The following NIM1K variants were observed in gnomAD, a reference collection of about 807,000 sequenced individuals.
The protein encoded by NIM1K is serine/threonine-protein kinase NIM1.
Under a neutral mutation model 37.1 loss-of-function variants are expected in NIM1K, and 35 were observed. The observed-to-expected ratio is 0.94, with a 90% CI of 0.72 to 1.25. NIM1K has a LOEUF of 1.25. NIM1K is among the 50% of genes most tolerant of loss of function. The pLI, the probability that NIM1K is intolerant of heterozygous loss-of-function variation, is 0.00. For missense variants in NIM1K, 564 were observed against 548.0 expected (o/e 1.03, Z -0.29); for synonymous variants, 234 against 206.6 (o/e 1.13, Z -1.14).
rs1481457015 is a variant in NIM1K at position 43,280,425 on chromosome 5, C to T, written c.1007C>T (p.Pro336Leu). ...QGVPYPTPLE[P>L]FQLDPKHLSE... Reference sequence around the variant, plus strand: ...GTGCCATACCCTACACCTTTGGAACCTTTCCAACTGGATCCCAAACATTTG... The same window carrying T: ...GTGCCATACCCTACACCTTTGGAACTTTTCCAACTGGATCCCAAACATTTG... The change falls in exon 4 of 4, where the codon CCT (proline) becomes CTT (leucine). Residue 336 changes from proline to leucine, a missense_variant. By Grantham distance (98) the Pro-to-Leu change is moderately conservative. Coordinates refer to ENST00000326035, the MANE Select transcript of NIM1K (RefSeq NM_153361.4). 8 of 1,614,082 alleles carry T rather than the reference C, an allele frequency of 5.0e-6. No individual in the cohort carries two copies. Among genetic ancestry groups the T allele is most frequent in the Middle Eastern group, 1.6e-4 (1 of 6,084 alleles).
Position 43,213,221 on chromosome 5 carries a change from CT to C in NIM1K, c.-695+20813del, listed in dbSNP as rs146122355. 3.7e-3 allele frequency among the ~76,000 whole-genome samples: 158 copies of C among 43,260 alleles called. 4 individuals are homozygous for C. Among genetic ancestry groups the C allele is most frequent in the African/African-American group, 0.012 (152 of 13,068 alleles). 28.4% of individuals were successfully genotyped at this position (43,260 alleles called of 152,430 possible). On this transcript the variant is annotated intron_variant, in intron 1 of 3. Coordinates refer to ENST00000326035, the MANE Select transcript of NIM1K (RefSeq NM_153361.4). The stretch of plus-strand genomic sequence containing the variant: ...TCTTTCTTTCTTTCTTTCTTTCTTT[CT>C]TTCCTTCTTTTCTTCCTTTCTTTCT...
chr5:43,278,157 T>C (rs981975768), intron 3 of NIM1K, among the ~76,000 whole-genome samples: 5 of 151,904 alleles, frequency 3.3e-5, no homozygotes, highest in Non-Finnish European at 7.4e-5. Flanking sequence ...GCGATTCTCC[T>C]GCCTCAGCCT....
Position 43,258,919 on chromosome 5 carries a change from C to T in NIM1K, c.292+12852C>T, listed in dbSNP as rs555416433. On this transcript the variant is annotated intron_variant, in intron 2 of 3. Coordinates refer to ENST00000326035, the MANE Select transcript of NIM1K (RefSeq NM_153361.4). ...CAATACGTAGTTTTTAATCCCTCACCCCCTCCCACCCTACCCCTTCTAAGT... is the reference window on the plus strand; with the variant it reads ...CAATACGTAGTTTTTAATCCCTCACTCCCTCCCACCCTACCCCTTCTAAGT... 2.0e-5 allele frequency among the ~76,000 whole-genome samples: 3 copies of T among 151,808 alleles called. No homozygotes were observed. The South Asian group carries it at 6.2e-4, about 32-fold the overall frequency.
chr5:43,245,765 C>T lies in NIM1K; in HGVS notation c.-11C>T, dbSNP rs1008782466. ...TCTTCGCTGAGATGGAGACGTGAGC[C>T]CCCGTGGACGATGACTGCAGTGTAT... On this transcript the variant is annotated 5_prime_UTR_variant, in exon 2 of 4. Transcript: ENST00000326035. 3.8e-6 allele frequency: 6 copies of T among 1,559,106 alleles called. No homozygotes were observed. Among genetic ancestry groups the T allele is most frequent in the Non-Finnish European group, 2.6e-6 (3 of 1,148,378 alleles).
chr5:43,193,603 G>A lies in NIM1K; in HGVS notation c.-695+1192G>A, dbSNP rs1045827342. ...GCGGGAATCCAAAAGGGAAACAAAC[G>A]AAACCAGATGAAAAAAAGTGATTCC... On this transcript the variant is annotated intron_variant, in intron 1 of 3. Coordinates refer to ENST00000326035, the MANE Select transcript of NIM1K (RefSeq NM_153361.4). 3.3e-5 allele frequency: 5 copies of A among 152,080 alleles called. No individual in the cohort carries two copies. In the East Asian group the frequency reaches 9.6e-4, roughly 29 times the overall value. 9.4% of individuals were successfully genotyped at this position (152,080 alleles called of 1,614,324 possible).
At chr5:43,231,278 C>T (rs1752534354) in intron 1 of NIM1K, among the ~76,000 whole-genome samples, 1 of 152,246 alleles carries the variant, frequency 6.6e-6, no homozygotes, top group African/African-American at 2.4e-5. Flanking sequence ...CCTCTCATTA[C>T]TGCAGTCCAG....
chr5:43,271,961 A>G (rs747597140), intron 2 of NIM1K, among the ~76,000 whole-genome samples: 6 of 152,022 alleles, frequency 3.9e-5, no homozygotes, highest in Non-Finnish European at 7.4e-5. Context: ...CACTCACCAT[A>G]CTTCTCGGGC....
chr5:43,238,039 ATTT>A (rs71608701), intron 1 of NIM1K, among the ~76,000 whole-genome samples: 6 of 120,604 alleles, frequency 5.0e-5, no homozygotes, highest in African/African-American at 1.2e-4. Context: ...CTTCAATTTA[ATTT>A]TTTTTTTTTT....
intron 1 of NIM1K, chr5:43,207,354 AAATGGTGATC>A: frequency 1.3e-6 from 1 of 780,022 alleles, no homozygotes; most frequent in South Asian, 1.3e-5. Context: ...GAGCTTGACC[AAATGGTGATC>A]AATAGATGAA....
intron 1 of NIM1K, among the ~76,000 whole-genome samples, chr5:43,238,313 G>C (rs570349431): frequency 6.6e-6 from 1 of 152,012 alleles, no homozygotes; most frequent in Admixed American, 6.5e-5. Context: ...AAAGTGCTGG[G>C]ATTACAGGCG....
chr5:43,232,476 G>A lies in NIM1K; in HGVS notation c.-694-12606G>A. 4.0e-6 allele frequency: 6 copies of A among 1,504,048 alleles called. No homozygotes were observed. In the South Asian group the frequency reaches 6.8e-5, roughly 17 times the overall value. The allele number at this position is 1,504,048 out of a possible 1,614,324, so 93.2% of individuals were successfully genotyped here. A position where few individuals can be genotyped will look rare whatever the true frequency, so the allele number is the denominator to read the frequency against. The stretch of plus-strand genomic sequence containing the variant: ...GAAGCAGTGATGGAGGACACAATTT[G>A]ACCTATCAACCTATTCAGTTTAGTA... On this transcript the variant is annotated intron_variant, in intron 1 of 3. Transcript: ENST00000326035.
chr5:43,253,814 C>A (rs541069843), intron 2 of NIM1K, among the ~76,000 whole-genome samples: 35 of 152,172 alleles, frequency 2.3e-4, no homozygotes, highest in African/African-American at 8.2e-4. Context: ...CACACGCCAC[C>A]ATGCTCGGCA....
chr5:43,208,561 C>A, intron 1 of NIM1K, among the ~76,000 whole-genome samples: 1 of 151,268 alleles, frequency 6.6e-6, no homozygotes, highest in East Asian at 1.9e-4. Context: ...GAGATCACGC[C>A]ACTGCATTCC....
At chr5:43,236,833 G>C (rs1248601492) in intron 1 of NIM1K, among the ~76,000 whole-genome samples, 1 of 152,218 alleles carries the variant, frequency 6.6e-6, no homozygotes, top group African/African-American at 2.4e-5. Flanking sequence ...CCAAGTAGGG[G>C]AGAGGTGGTG....
In NIM1K at chr5:43,200,822, C is replaced by A. The variant is rs562537795; in HGVS notation, c.-695+8411C>A. Among the ~76,000 whole-genome samples, 58 of 152,012 alleles carry A rather than the reference C, an allele frequency of 3.8e-4. No individual in the cohort carries two copies. In the South Asian group the frequency reaches 0.012, roughly 31 times the overall value. Reference sequence around the variant, plus strand: ...GGCGAGAGAAGTAACTGGGTTGGACCCAGTTTAAAATATGCAAAAGTGGCT... The same window carrying A: ...GGCGAGAGAAGTAACTGGGTTGGACACAGTTTAAAATATGCAAAAGTGGCT... On this transcript the variant is annotated intron_variant, in intron 1 of 3. Transcript: ENST00000326035.
chr5:43,277,396 C>T, intron 3 of NIM1K, 71 bp downstream of exon 3: 1 of 1,512,702 alleles, frequency 6.6e-7, no homozygotes, highest in East Asian at 2.3e-5. Flanking sequence ...CTTTAGGTTA[C>T]TAACCCTCAA....
intron 2 of NIM1K, among the ~76,000 whole-genome samples, chr5:43,260,987 C>T (rs1035145291): frequency 3.9e-5 from 6 of 152,314 alleles, no homozygotes; most frequent in African/African-American, 1.4e-4. Flanking sequence ...ATATATGCCA[C>T]ATTTTCTTAA....
At chr5:43,213,181 CTT>C (rs367865935) in intron 1 of NIM1K, among the ~76,000 whole-genome samples, 2 of 71,160 alleles carry the variant, frequency 2.8e-5, no homozygotes, top group Non-Finnish European at 6.6e-5. Flanking sequence ...TTCTTTCTTT[CTT>C]TCTTTCTTTC....
chr5:43,262,088 G>T (rs1753040154), intron 2 of NIM1K, among the ~76,000 whole-genome samples: 1 of 152,186 alleles, frequency 6.6e-6, no homozygotes, highest in Non-Finnish European at 1.5e-5. Flanking sequence ...TCTTGGCAAT[G>T]TGGGCTCTTT....
Sources: allele counts gnomAD v4.1 joint callset (sites outside exome capture counted in the v4.1 genomes callset), GRCh38; gene constraint gnomAD v4.1.1; transcripts MANE v1.5; gene names NCBI Gene and HGNC (gene_info 2026-07-23, HGNC 2026-07-21).